Variants in PBX4 observed in about 807,000 individuals in gnomAD.
The protein encoded by PBX4 is pre-B-cell leukemia transcription factor 4.
Under a neutral mutation model 35.1 loss-of-function variants are expected in PBX4, and 26 were observed. The ratio of observed to expected loss-of-function variants is 0.74; its 90% CI spans 0.54 to 1.03. The LOEUF (loss-of-function observed/expected upper bound fraction) is 1.03, where lower values mean the gene tolerates loss of function less well. PBX4 is among the 50% of genes least tolerant of loss of function. The pLI, the probability that PBX4 is intolerant of heterozygous loss-of-function variation, is 0.00. For missense variants in PBX4, 448 were observed against 504.3 expected (o/e 0.89, Z 1.07); for synonymous variants, 199 against 204.2 (o/e 0.97, Z 0.22).
chr19:19,562,138 C>A lies in PBX4; in HGVS notation c.1033-21G>T, dbSNP rs765341662. The A allele has an allele frequency of 6.3e-7, 1 of 1,590,066 alleles. No individual in the cohort carries two copies. The highest frequency in any genetic ancestry group is 8.6e-7 in the Non-Finnish European group (1 of 1,164,982). On this transcript the variant is annotated intron_variant, in intron 7 of 7. Transcript: ENST00000251203. This position sits in a 1 kb window ranked among gnomAD's most constrained non-coding sequence, Gnocchi z 4.8. The stretch of plus-strand genomic sequence containing the variant: ...TGGGCCTGAAACGACAGAGACTGAG[C>A]ATCAGAGTGGGTGGCCGTGAGACTG...
rs756115893 is a variant in PBX4 at position 19,599,328 on chromosome 19, G to A, written c.157C>T (p.Leu53=). ...ALNCHRMKPA[L]FSVLCEIKEK... is the part of the protein sequence containing the mutation. ...TTGATCTCACAGAGCACGCTGAACA[G>A]AGCAGGCTTCATCCGATGGCAATTC... The change falls in exon 2 of 8, where the codon CTG becomes TTG. Residue 53 remains leucine (L), a synonymous_variant. Coordinates refer to ENST00000251203, the MANE Select transcript of PBX4 (RefSeq NM_025245.3). The A allele has an allele frequency of 1.9e-6, 3 of 1,613,388 alleles. No homozygotes were observed. The highest frequency in any genetic ancestry group is 1.3e-5 in the African/African-American group (1 of 74,898).
At chr19:19,564,166 C>CA (rs1340129996) in intron 6 of PBX4, among the ~76,000 whole-genome samples, 2 of 134,464 alleles carry the variant, frequency 1.5e-5, no homozygotes, top group African/African-American at 2.8e-5. Flanking sequence ...CAACAGTCCC[C>CA]AGAGTGTGAT....
chr19:19,576,122 G>A (rs2061417959), intron 2 of PBX4, among the ~76,000 whole-genome samples: 1 of 152,174 alleles, frequency 6.6e-6, no homozygotes, highest in Non-Finnish European at 1.5e-5. Flanking sequence ...GGGCGAGGTG[G>A]CTTATATCTA....
At chr19:19,586,390 C>G (rs1438861037) in intron 2 of PBX4, among the ~76,000 whole-genome samples, 1 of 151,362 alleles carries the variant, frequency 6.6e-6, no homozygotes, top group Non-Finnish European at 1.5e-5. Flanking sequence ...TCCAGCCTGT[C>G]TCTTTGAGAC....
intron 2 of PBX4, among the ~76,000 whole-genome samples, chr19:19,587,576 A>C (rs1004077915): frequency 6.8e-6 from 1 of 146,962 alleles, no homozygotes; most frequent in African/African-American, 2.5e-5. Context: ...TGACAGAGCA[A>C]GACTCCGTCT....
At chr19:19,614,033 A>T (rs551311256) in intron 1 of PBX4, among the ~76,000 whole-genome samples, 1 of 152,258 alleles carries the variant, frequency 6.6e-6, no homozygotes, top group Admixed American at 6.5e-5. Flanking sequence ...ACCTGGTACA[A>T]TGCTCCAAAA....
At chr19:19,591,039 C>A (rs1229609293) in intron 2 of PBX4, among the ~76,000 whole-genome samples, 1 of 151,930 alleles carries the variant, frequency 6.6e-6, no homozygotes, top group Non-Finnish European at 1.5e-5. Context: ...CTGGAGCCAC[C>A]CAGCTGATGA....
In PBX4 at chr19:19,561,848, C is replaced by T. The variant is rs1157429320; in HGVS notation, c.*177G>A. On this transcript the variant is annotated 3_prime_UTR_variant, in exon 8 of 8. Coordinates refer to ENST00000251203, the MANE Select transcript of PBX4 (RefSeq NM_025245.3). Reference sequence around the variant, plus strand: ...GAGAATGAGTGGCGTTTCAGGCCATCTCGAGTCGCAGCAGACACATGAGCC... The same window carrying T: ...GAGAATGAGTGGCGTTTCAGGCCATTTCGAGTCGCAGCAGACACATGAGCC... 7.9e-6 allele frequency: 4 copies of T among 504,826 alleles called. No homozygotes were observed. The highest frequency in any genetic ancestry group is 3.1e-5 in the South Asian group (1 of 32,500). The allele number at this position is 504,826 out of a possible 1,614,324, so 31.3% of individuals were successfully genotyped here. A position where few individuals can be genotyped will look rare whatever the true frequency, so the allele number is the denominator to read the frequency against.
chr19:19,574,585 T>A (rs2061407330), intron 2 of PBX4, among the ~76,000 whole-genome samples: 1 of 152,042 alleles, frequency 6.6e-6, no homozygotes, highest in Non-Finnish European at 1.5e-5. Context: ...GTGTCCCTTT[T>A]ATTAGCTGGC....
chr19:19,609,183 A>C (rs187693191), intron 1 of PBX4, among the ~76,000 whole-genome samples: 4 of 152,260 alleles, frequency 2.6e-5, no homozygotes, highest in Admixed American at 2.6e-4. Flanking sequence ...ACAGCCTCAG[A>C]GTTCAATAGA....
chr19:19,608,913 C>G (rs1270774565), intron 1 of PBX4, among the ~76,000 whole-genome samples: 1 of 152,188 alleles, frequency 6.6e-6, no homozygotes, highest in Non-Finnish European at 1.5e-5. Context: ...GTCTGCCTCT[C>G]CAAATAATGA....
Position 19,570,749 on chromosome 19 carries a change from A to T in PBX4, c.278T>A (p.Val93Glu), listed in dbSNP as rs768104532. 1.9e-6 allele frequency: 3 copies of T among 1,614,062 alleles called. No homozygotes were observed. The highest frequency in any genetic ancestry group is 2.5e-6 in the Non-Finnish European group (3 of 1,180,014). Residue 93 changes from valine to glutamate, a missense_variant, in exon 3 of 8, where the codon GTG becomes GAG. Coordinates refer to ENST00000251203, the MANE Select transcript of PBX4 (RefSeq NM_025245.3). Reference sequence around the variant, plus strand: ...TCTTCCTCTCTTCTCGGGCCTGCACACGCCCTCAGCCAGCAGCATGTTATC... The same window carrying T: ...TCTTCCTCTCTTCTCGGGCCTGCACTCGCCCTCAGCCAGCAGCATGTTATC... Reference protein sequence around the residue: ...RLDNMLLAEGVCRPEKRGRGG... With the variant: ...RLDNMLLAEGECRPEKRGRGG...
Position 19,588,312 on chromosome 19 carries a change from G to A in PBX4, c.193+10980C>T, listed in dbSNP as rs2061503611. ...ACACCAGAGTGCAGGGACGCACATA[G>A]GAGTCACAGATAACACATTTGCCAT... is the stretch of plus-strand genomic sequence containing the variant. On this transcript the variant is annotated intron_variant, in intron 2 of 7. Coordinates refer to ENST00000251203, the MANE Select transcript of PBX4 (RefSeq NM_025245.3). The A allele has an allele frequency of 2.7e-6, 3 of 1,099,452 alleles. No homozygotes were observed. In the South Asian group the frequency reaches 3.7e-5, roughly 14 times the overall value. The allele number at this position is 1,099,452 out of a possible 1,614,324, so 68.1% of individuals were successfully genotyped here. A position where few individuals can be genotyped will look rare whatever the true frequency, so the allele number is the denominator to read the frequency against.
Position 19,563,407 on chromosome 19 carries a change from CT to C in PBX4, c.1032+101del. 3.2e-6 allele frequency: 3 copies of C among 927,980 alleles called. No individual in the cohort carries two copies. The highest frequency in any genetic ancestry group is 4.8e-6 in the Non-Finnish European group (3 of 623,240). The allele number at this position is 927,980 out of a possible 1,614,324, so 57.5% of individuals were successfully genotyped here. A position where few individuals can be genotyped will look rare whatever the true frequency, so the allele number is the denominator to read the frequency against. On this transcript the variant is annotated intron_variant, in intron 7 of 7. Transcript: ENST00000251203. This position sits in a 1 kb window ranked among gnomAD's most constrained non-coding sequence, Gnocchi z 5.1. Reference sequence around the variant, plus strand: ...GCATGGCCTGTGTGGCTGCTGGGACCTCTGGGGAAGCTGCCCCAAGGCCGAG... The same window carrying C: ...GCATGGCCTGTGTGGCTGCTGGGACCCTGGGGAAGCTGCCCCAAGGCCGAG...
chr19:19,605,416 A>AAATAATAAT (rs34936775), intron 1 of PBX4, among the ~76,000 whole-genome samples: 12,849 of 139,246 alleles, frequency 0.092, 638 homozygotes, highest in Middle Eastern at 0.11. Flanking sequence ...CTCTGTCTCA[A>AAATAATAAT]AATAATAATA....
At chr19:19,606,432 G>C (rs994126037) in intron 1 of PBX4, 33 of 152,250 alleles carry the variant, frequency 2.2e-4, no homozygotes, top group African/African-American at 7.2e-4. Flanking sequence ...CCCATGCTCT[G>C]GATAGGAACA....
chr19:19,561,740 A>G lies in PBX4; in HGVS notation c.*285T>C, dbSNP rs1451310563. ...AAAATAAGTCAAAAATTTTAATGGG[A>G]AAATCTGTGCCCAGTCCTAGAACAG... On this transcript the variant is annotated 3_prime_UTR_variant, in exon 8 of 8. Transcript: ENST00000251203. The G allele has an allele frequency of 1.4e-5, 4 of 293,816 alleles. No homozygotes were observed. The East Asian group carries it at 2.4e-4, about 18-fold the overall frequency. The allele number at this position is 293,816 out of a possible 1,614,324, so 18.2% of individuals were successfully genotyped here.
chr19:19,588,395 A>C (rs1207000018), intron 2 of PBX4: 1 of 1,349,006 alleles, frequency 7.4e-7, no homozygotes, highest in Non-Finnish European at 1.1e-6. Flanking sequence ...CAAAAGATCA[A>C]ATCAGGATGA....
At chr19:19,616,316 A>G (rs1345397156) in intron 1 of PBX4, among the ~76,000 whole-genome samples, 2 of 152,162 alleles carry the variant, frequency 1.3e-5, no homozygotes, top group African/African-American at 4.8e-5. Context: ...ATTGTTATCC[A>G]GATGACAAAA....
Sources: gnomAD v4.1 joint callset for allele counts (sites outside exome capture counted in the v4.1 genomes callset) on GRCh38, gnomAD v4.1.1 for gene constraint, Gnocchi (gnomAD v3.1) non-coding constraint, MANE v1.5 for transcripts, NCBI Gene and HGNC (gene_info 2026-07-23, HGNC 2026-07-21) for gene names.